The following EYA1 variants were observed in gnomAD, a reference collection of about 807,000 sequenced individuals.
EYA1 encodes the protein protein phosphatase EYA1.
In EYA1, 16 loss-of-function variants were observed where a neutral mutation model predicts 82.0. That is an observed-to-expected ratio of 0.20 (90% CI 0.13 to 0.30). The LOEUF (loss-of-function observed/expected upper bound fraction) is 0.30. EYA1 is among the 10% of genes least tolerant of loss of function. The probability of loss-of-function intolerance (pLI) is 1.00; values close to 1 mark genes in which losing one functional copy is unlikely to be tolerated. For missense variants in EYA1, 633 were observed against 730.7 expected, an observed-to-expected ratio of 0.87 and a Z score of 1.54; for synonymous variants, 261 against 264.4, an observed-to-expected ratio of 0.99 and a Z score of 0.12.
intron 2 of EYA1, among the ~76,000 whole-genome samples, chr8:71,504,846 G>C (rs895421143): frequency 2.2e-4 from 34 of 152,250 alleles, no homozygotes; most frequent in African/African-American, 7.9e-4. Flanking sequence ...CTGCCCCCTA[G>C]GCTAGAGTGC....
At chr8:71,312,404 T>G (rs1311995581) in intron 7 of EYA1, among the ~76,000 whole-genome samples, 1 of 152,210 alleles carries the variant, frequency 6.6e-6, no homozygotes, top group Non-Finnish European at 1.5e-5. Flanking sequence ...ATTACTAATT[T>G]TATGCATTCT....
At chr8:71,507,340 A>C (rs1366221646) in intron 2 of EYA1, among the ~76,000 whole-genome samples, 2 of 152,214 alleles carry the variant, frequency 1.3e-5, no homozygotes, top group East Asian at 3.8e-4. Flanking sequence ...CTTTTATAAT[A>C]GGAGAAATCA....
intron 11 of EYA1, among the ~76,000 whole-genome samples, chr8:71,245,963 A>C (rs188830526): frequency 5.7e-4 from 87 of 152,268 alleles, no homozygotes; most frequent in Non-Finnish European, 2.2e-4. Context: ...CCTACAAGCC[A>C]CCCTGATGAC....
chr8:71,299,364 A>C, intron 8 of EYA1, 131 bp from the exon 9 acceptor site: 1 of 873,566 alleles, frequency 1.1e-6, no homozygotes. Flanking sequence ...ATACAAGTAC[A>C]CATTAACTAA....
At chr8:71,356,782 C>T in intron 1 of EYA1, 1 of 1,133,142 alleles carries the variant, frequency 8.8e-7, no homozygotes, top group Non-Finnish European at 1.1e-6. Context: ...ATGACAGCTG[C>T]AAATGGGATT....
chr8:71,236,814 CTTAA>C (rs1811893555), intron 12 of EYA1, among the ~76,000 whole-genome samples: 3 of 151,100 alleles, frequency 2.0e-5, no homozygotes, highest in African/African-American at 7.2e-5. Flanking sequence ...TTGCTATTAT[CTTAA>C]TTATCTGTAA....
chr8:71,236,446 C>CT (rs1811845671), intron 12 of EYA1, among the ~76,000 whole-genome samples: 1 of 152,118 alleles, frequency 6.6e-6, no homozygotes. Context: ...CCATGAATAC[C>CT]TTCCCTATAT....
intron 2 of EYA1, among the ~76,000 whole-genome samples, chr8:71,473,400 G>A (rs910507207): frequency 9.6e-5 from 14 of 145,662 alleles, no homozygotes; most frequent in African/African-American, 3.3e-4. Context: ...GATATGAACA[G>A]ACACTTCTCA....
chr8:71,263,575 T>A (rs747490978), intron 11 of EYA1, among the ~76,000 whole-genome samples: 3 of 152,204 alleles, frequency 2.0e-5, no homozygotes, highest in Non-Finnish European at 4.4e-5. Flanking sequence ...TGCATTGAGT[T>A]CACGGTCTAG....
intron 11 of EYA1, among the ~76,000 whole-genome samples, chr8:71,246,302 G>A (rs1231195314): frequency 6.6e-6 from 1 of 152,204 alleles, no homozygotes; most frequent in East Asian, 1.9e-4. Context: ...GTAACCAGGG[G>A]GATTGTAAGC....
chr8:71,442,373 T>A (rs985851496), intron 2 of EYA1, among the ~76,000 whole-genome samples: 1 of 152,204 alleles, frequency 6.6e-6, no homozygotes, highest in East Asian at 1.9e-4. Flanking sequence ...GATTCCTAGA[T>A]AATGGAATCT....
At chr8:71,358,620 CA>C (rs1319902462) in intron 1 of EYA1, among the ~76,000 whole-genome samples, 3 of 152,106 alleles carry the variant, frequency 2.0e-5, no homozygotes, top group African/African-American at 7.2e-5. Context: ...CAGATGTGAG[CA>C]AAATTAGTTA....
intron 2 of EYA1, among the ~76,000 whole-genome samples, chr8:71,441,491 T>C (rs1198428987): frequency 2.0e-5 from 3 of 152,102 alleles, no homozygotes; most frequent in Admixed American, 6.5e-5. Context: ...CTGTCTCCCA[T>C]AGAAATAAAA....
intron 2 of EYA1, among the ~76,000 whole-genome samples, chr8:71,406,313 A>C (rs1451402805): frequency 6.6e-6 from 1 of 152,252 alleles, no homozygotes; most frequent in African/African-American, 2.4e-5. Flanking sequence ...TGACCATTAC[A>C]GAAATGAGAA....
intron 7 of EYA1, among the ~76,000 whole-genome samples, chr8:71,311,853 A>G (rs1205512300): frequency 2.6e-5 from 4 of 152,202 alleles, no homozygotes; most frequent in Non-Finnish European, 4.4e-5. Flanking sequence ...GAATTTTAGT[A>G]TTAGAGCATG....
Position 71,317,544 on chromosome 8 carries a change from A to T in EYA1, c.556+8T>A, listed in dbSNP as rs770828546. The T allele has an allele frequency of 8.1e-6, 13 of 1,613,932 alleles. No homozygotes were observed. In the South Asian group the frequency reaches 1.4e-4, roughly 18 times the overall value. ...GGTTAAGGAAAATAGCAATGTGTATATACAGACCTTGCATCTGGTAGCTGT... is the reference window on the plus strand; with the variant it reads ...GGTTAAGGAAAATAGCAATGTGTATTTACAGACCTTGCATCTGGTAGCTGT... On this transcript the variant is annotated splice_region_variant and intron_variant, in intron 7 of 17. Coordinates refer to ENST00000340726, the MANE Select transcript of EYA1 (RefSeq NM_000503.6).
chr8:71,439,335 G>A (rs1460574067), intron 2 of EYA1, among the ~76,000 whole-genome samples: 3 of 152,138 alleles, frequency 2.0e-5, no homozygotes, highest in Non-Finnish European at 2.9e-5. Flanking sequence ...GGGAAGGATT[G>A]TAATCAGGTA....
chr8:71,531,562 T>C (rs1186586315), intron 2 of EYA1, among the ~76,000 whole-genome samples: 1 of 152,220 alleles, frequency 6.6e-6, no homozygotes, highest in African/African-American at 2.4e-5. Flanking sequence ...TGTGCTTTTT[T>C]TTTTATCTTG....
intron 12 of EYA1, among the ~76,000 whole-genome samples, chr8:71,220,765 G>C (rs1029850640): frequency 1.3e-5 from 2 of 152,182 alleles, no homozygotes; most frequent in African/African-American, 4.8e-5. Context: ...TGGGTGTGAG[G>C]GAAAGAGTTT....
Sources: allele counts gnomAD v4.1 joint callset (sites outside exome capture counted in the v4.1 genomes callset), GRCh38; gene constraint gnomAD v4.1.1; transcripts MANE v1.5; gene names NCBI Gene and HGNC (gene_info 2026-07-23, HGNC 2026-07-21).